The following IPCEF1 variants were observed in gnomAD, a reference collection of about 807,000 sequenced individuals.
IPCEF1 encodes interactor protein for cytohesin exchange factors 1.
IPCEF1 carries 31 observed loss-of-function variants against 50.9 expected under a neutral mutation model. That is an observed-to-expected ratio of 0.61 (90% CI 0.46 to 0.82). The LOEUF is 0.82. Among genes scored for constraint, IPCEF1 ranks in the 40% least tolerant of loss-of-function variants. The pLI is 0.00. For missense variants in IPCEF1, 458 were observed against 514.0 expected, an observed-to-expected ratio of 0.89 and a Z score of 1.05; for synonymous variants, 181 against 192.0, an observed-to-expected ratio of 0.94 and a Z score of 0.47.
In IPCEF1 at chr6:154,191,079, A is replaced by G. The variant is rs1455242437; in HGVS notation, c.910+8589T>C. Among the ~76,000 whole-genome samples, 3 of 152,244 alleles carry G rather than the reference A, an allele frequency of 2.0e-5. No individual in the cohort carries two copies. In the East Asian group the frequency reaches 5.8e-4, roughly 29 times the overall value. ...TCAAAAAAAGAAAAAGTGACCTATCAAGCTACAAAAGACTTAGAAGAAGCT... is the reference window on the plus strand; with the variant it reads ...TCAAAAAAAGAAAAAGTGACCTATCGAGCTACAAAAGACTTAGAAGAAGCT... On this transcript the variant is annotated intron_variant, in intron 10 of 11. Coordinates refer to ENST00000367220, the MANE Select transcript of IPCEF1 (RefSeq NM_001130700.2).
At position 154,243,631 on chromosome 6, in the gene IPCEF1, A is replaced by C. The variant is rs370929153; in HGVS notation, c.246+2960T>G. 6.6e-5 allele frequency among the ~76,000 whole-genome samples: 10 copies of C among 152,182 alleles called. No individual in the cohort carries two copies. The East Asian group carries it at 1.3e-3, about 20-fold the overall frequency. ...TCAAAGGAGAGTTGCCCTAAATTTC[A>C]TTTCCAGAGCTGTTCTCTCAGAACC... On this transcript the variant is annotated intron_variant, in intron 5 of 11. Coordinates refer to ENST00000367220, the MANE Select transcript of IPCEF1 (RefSeq NM_001130700.2).
At chr6:154,246,877 G>A (rs1781084743) in intron 4 of IPCEF1, 117 bp from the exon 5 acceptor site, 1 of 1,221,454 alleles carries the variant, frequency 8.2e-7, no homozygotes, top group Non-Finnish European at 1.1e-6. Flanking sequence ...CCCCCGGGGA[G>A]CTGGATTTTT....
chr6:154,333,464 A>G (rs945126294), intron 1 of IPCEF1, among the ~76,000 whole-genome samples: 10 of 151,844 alleles, frequency 6.6e-5, no homozygotes, highest in African/African-American at 2.4e-4. Flanking sequence ...TTCGGACTCA[A>G]ACTGGCTCTC....
chr6:154,349,458 C>G (rs928409743), intron 1 of IPCEF1, among the ~76,000 whole-genome samples: 55 of 151,800 alleles, frequency 3.6e-4, no homozygotes, highest in African/African-American at 1.1e-3. Flanking sequence ...AACTCCTGAG[C>G]TCAAGTGATC....
At chr6:154,245,286 GGA>G (rs1016349699) in intron 5 of IPCEF1, among the ~76,000 whole-genome samples, 21 of 53,000 alleles carry the variant, frequency 4.0e-4, no homozygotes, top group South Asian at 1.7e-3. Context: ...CCAAATGCTT[GGA>G]AAAAAAAAAT....
chr6:154,326,272 T>C (rs1422473803), intron 1 of IPCEF1, among the ~76,000 whole-genome samples: 4 of 151,130 alleles, frequency 2.6e-5, no homozygotes, highest in Non-Finnish European at 5.9e-5. Flanking sequence ...TTTCACATAG[T>C]AAAAATACAC....
intron 1 of IPCEF1, among the ~76,000 whole-genome samples, chr6:154,324,205 G>A (rs1238011772): frequency 6.6e-6 from 1 of 152,136 alleles, no homozygotes; most frequent in Non-Finnish European, 1.5e-5. Flanking sequence ...TAGCCATCTG[G>A]AACACATCTA....
At chr6:154,247,405 A>G (rs372652786) in intron 4 of IPCEF1, 44 bp downstream of exon 4, 2 of 1,540,600 alleles carry the variant, frequency 1.3e-6, no homozygotes, top group African/African-American at 1.4e-5. Context: ...GCCACACTCA[A>G]CGTACACAAA....
chr6:154,193,975 T>C (rs1295117645), intron 10 of IPCEF1, among the ~76,000 whole-genome samples: 2 of 152,140 alleles, frequency 1.3e-5, no homozygotes, highest in African/African-American at 4.8e-5. Flanking sequence ...TTTTTTGTCA[T>C]GACATACACA....
chr6:154,214,148 G>T, intron 8 of IPCEF1, 70 bp downstream of exon 8: 1 of 1,007,876 alleles, frequency 9.9e-7, no homozygotes, highest in Non-Finnish European at 1.6e-6. Flanking sequence ...ACTTGACATT[G>T]TTTTTTCACC....
chr6:154,315,339 A>C (rs1163367810), intron 1 of IPCEF1, among the ~76,000 whole-genome samples: 4 of 152,204 alleles, frequency 2.6e-5, no homozygotes, highest in Non-Finnish European at 5.9e-5. Flanking sequence ...TTCTATGAAC[A>C]TGACATTTCT....
At chr6:154,218,108 G>C (rs899748962) in intron 7 of IPCEF1, among the ~76,000 whole-genome samples, 2 of 152,264 alleles carry the variant, frequency 1.3e-5, no homozygotes, top group East Asian at 3.9e-4. Flanking sequence ...CATCATGGCA[G>C]CAGGAAAACA....
At chr6:154,276,773 G>C (rs938086091) in intron 2 of IPCEF1, among the ~76,000 whole-genome samples, 2 of 152,142 alleles carry the variant, frequency 1.3e-5, no homozygotes, top group Non-Finnish European at 2.9e-5. Context: ...TACATTCTTA[G>C]AGAATGAATG....
chr6:154,301,820 TAAG>T (rs923032691), intron 1 of IPCEF1, among the ~76,000 whole-genome samples: 2 of 152,102 alleles, frequency 1.3e-5, no homozygotes, highest in East Asian at 3.9e-4. Flanking sequence ...GTAGTACTAA[TAAG>T]TAAAAATAAA....
intron 11 of IPCEF1, among the ~76,000 whole-genome samples, chr6:154,160,925 G>C (rs548909066): frequency 5.9e-5 from 9 of 152,262 alleles, no homozygotes; most frequent in African/African-American, 2.2e-4. Flanking sequence ...CCACTTAGCA[G>C]AGCAGGGATG....
chr6:154,219,014 TATATC>T (rs2128613599), intron 7 of IPCEF1: 1 of 152,316 alleles, frequency 6.6e-6, no homozygotes, highest in South Asian at 2.1e-4. Context: ...ATGAAGTATT[TATATC>T]ATATCTACCC....
chr6:154,337,685 C>T (rs1238384752), intron 1 of IPCEF1, among the ~76,000 whole-genome samples: 2 of 152,076 alleles, frequency 1.3e-5, no homozygotes, highest in Non-Finnish European at 2.9e-5. Context: ...GAGGGAGGAA[C>T]CAGGTTGGCT....
intron 5 of IPCEF1, among the ~76,000 whole-genome samples, chr6:154,231,110 G>A (rs550194209): frequency 6.6e-6 from 1 of 152,202 alleles, no homozygotes; most frequent in African/African-American, 2.4e-5. Flanking sequence ...GAGCTGAGCT[G>A]CCCATTCTCA....
At chr6:154,352,014 T>G (rs1180607687) in intron 1 of IPCEF1, among the ~76,000 whole-genome samples, 1 of 152,094 alleles carries the variant, frequency 6.6e-6, no homozygotes, top group Non-Finnish European at 1.5e-5. Context: ...TCAGGAAGAA[T>G]AAGCTAATGG....
Sources: allele counts gnomAD v4.1 joint callset (sites outside exome capture counted in the v4.1 genomes callset), GRCh38; gene constraint gnomAD v4.1.1; transcripts MANE v1.5; gene names NCBI Gene and HGNC (gene_info 2026-07-23, HGNC 2026-07-21).